Variants in ATP5PF observed in about 807,000 individuals in gnomAD.
ATP5PF encodes the protein ATP synthase peripheral stalk subunit F6, also known as ATP synthase peripheral stalk subunit F6, mitochondrial.
In ATP5PF, 7 loss-of-function variants were observed where a neutral mutation model predicts 12.0. The observed-to-expected ratio is 0.58, with a 90% CI of 0.33 to 1.10. The LOEUF is 1.10. Ranked by LOEUF, ATP5PF falls within the 50% of genes least tolerant of loss-of-function variation. The pLI is 0.03. For missense variants in ATP5PF, 120 were observed against 127.7 expected, an observed-to-expected ratio of 0.94 and a Z score of 0.29; for synonymous variants, 41 against 45.4, an observed-to-expected ratio of 0.90 and a Z score of 0.39.
chr21:25,732,498 T>G (rs977815546), intron 1 of ATP5PF, among the ~76,000 whole-genome samples: 2 of 146,134 alleles, frequency 1.4e-5, no homozygotes, highest in Admixed American at 6.8e-5. Flanking sequence ...AAAAAAAAAA[T>G]AGCCAAGTGC....
intron 1 of ATP5PF, among the ~76,000 whole-genome samples, chr21:25,730,696 T>C (rs1043021547): frequency 8.6e-6 from 1 of 115,958 alleles, no homozygotes; most frequent in Non-Finnish European, 1.6e-5. Flanking sequence ...ATTGTGCCAT[T>C]GCACTCCAGC....
At chr21:25,731,780 G>A (rs1040080026) in intron 1 of ATP5PF, among the ~76,000 whole-genome samples, 2 of 152,020 alleles carry the variant, frequency 1.3e-5, no homozygotes, top group African/African-American at 4.8e-5. Flanking sequence ...AAGTAATATA[G>A]AAATTAGATA....
chr21:25,725,615 T>C (rs1601083007), intron 2 of ATP5PF, among the ~76,000 whole-genome samples: 1 of 152,074 alleles, frequency 6.6e-6, no homozygotes, highest in South Asian at 2.1e-4. Context: ...AATTTTTGTA[T>C]TTTTAGTAGA....
At position 25,729,630 on chromosome 21, in the gene ATP5PF, C is replaced by T; in HGVS notation, c.164+1G>A. ...TACACTGTAGTTATTTATTCACTTA[C>T]TGTCGCTTAGATTTGTATTCTCTAA... On this transcript the variant is annotated splice_donor_variant, in intron 2 of 3. Transcript: ENST00000284971. LOFTEE classifies it high-confidence loss of function. 6.2e-7 allele frequency: 1 copy of T among 1,604,176 alleles called. No individual in the cohort carries two copies. The highest frequency in any genetic ancestry group is 8.5e-7 in the Non-Finnish European group (1 of 1,174,804).
At chr21:25,734,940 C>G (rs71649640), upstream of ATP5PF, 3,608 of 1,575,738 alleles carry the variant, frequency 2.3e-3, 80 homozygotes, top group African/African-American at 0.043. Flanking sequence ...CACGCCTACC[C>G]GCCATCGCAA....
chr21:25,730,736 C>CACAAAAAAAAAAAAAAAAAAAAAA (rs1219090743), intron 1 of ATP5PF, among the ~76,000 whole-genome samples: 1 of 31,880 alleles, frequency 3.1e-5, no homozygotes, highest in Non-Finnish European at 7.0e-5. Flanking sequence ...CTCCGTCTCA[C>CACAAAAAAAAAAAAAAAAAAAAAA]AAAAAAAAAA....
chr21:25,734,450 T>C (rs1471766747), intron 1 of ATP5PF: 2 of 894,118 alleles, frequency 2.2e-6, no homozygotes, highest in African/African-American at 1.8e-5. Context: ...ACTTTCAATA[T>C]TATGACTAAT....
chr21:25,728,634 TA>T (rs1285864131), intron 2 of ATP5PF, among the ~76,000 whole-genome samples: 1 of 152,158 alleles, frequency 6.6e-6, no homozygotes, highest in Non-Finnish European at 1.5e-5. Context: ...ATGATGTGAG[TA>T]AATTCTTCAC....
Position 25,724,681 on chromosome 21 carries a change from A to G in ATP5PF, c.290-4T>C, listed in dbSNP as rs769613924. On this transcript the variant is annotated splice_region_variant and splice_polypyrimidine_tract_variant and intron_variant, in intron 3 of 3. Transcript: ENST00000284971. ...TCGATGACTTCAAATTTGGGATCTA[A>G]GAAGAGGGGGAAAAAAGGGTCAAGC... 6.3e-6 allele frequency: 10 copies of G among 1,597,308 alleles called. No individual in the cohort carries two copies. Among genetic ancestry groups the G allele is most frequent in the Non-Finnish European group, 8.5e-6 (10 of 1,175,920 alleles).
intron 1 of ATP5PF, among the ~76,000 whole-genome samples, chr21:25,732,104 A>G (rs1227615236): frequency 6.6e-6 from 1 of 152,120 alleles, no homozygotes; most frequent in Non-Finnish European, 1.5e-5. Flanking sequence ...AGTTCTCAAA[A>G]TAGGGTTGGG....
chr21:25,735,168 C>T (rs542272241), upstream of ATP5PF: 2 of 617,384 alleles, frequency 3.2e-6, no homozygotes, highest in East Asian at 5.5e-5. Flanking sequence ...GCTCTGTACG[C>T]ATGCGCTCTT....
intron 2 of ATP5PF, among the ~76,000 whole-genome samples, chr21:25,727,013 C>T (rs538978525): frequency 5.1e-4 from 77 of 152,300 alleles, no homozygotes; most frequent in Non-Finnish European, 8.5e-4. Context: ...ATGTTAGAAA[C>T]GCTCTCTGTC....
upstream of ATP5PF, chr21:25,735,247 G>GTA (rs919979375): frequency 7.3e-5 from 40 of 548,242 alleles, no homozygotes; most frequent in Non-Finnish European, 1.1e-4. Flanking sequence ...TTATCGAAGT[G>GTA]TATAAAGGTG....
At chr21:25,726,064 T>G (rs2034611192) in intron 2 of ATP5PF, among the ~76,000 whole-genome samples, 1 of 152,190 alleles carries the variant, frequency 6.6e-6, no homozygotes, top group Non-Finnish European at 1.5e-5. Flanking sequence ...AATTTTAGTT[T>G]CCACAACTAA....
At chr21:25,735,135 C>T (rs556980094), upstream of ATP5PF, 152 of 679,304 alleles carry the variant, frequency 2.2e-4, 1 homozygote, top group Middle Eastern at 1.8e-3. Context: ...TTGACCCGTT[C>T]TTTTTCCCCT....
chr21:25,734,311 T>A, intron 1 of ATP5PF: 1 of 985,392 alleles, frequency 1.0e-6, no homozygotes, highest in Non-Finnish European at 1.2e-6. Context: ...GGAGCATGGT[T>A]CTATTTATAG....
intron 3 of ATP5PF, 132 bp downstream of exon 3, chr21:25,725,094 T>C: frequency 8.1e-7 from 1 of 1,231,814 alleles, no homozygotes; most frequent in Non-Finnish European, 1.1e-6. Flanking sequence ...GCCGGCAGCT[T>C]CTCAGGCACA....
At chr21:25,731,482 T>C (rs998800603) in intron 1 of ATP5PF, among the ~76,000 whole-genome samples, 11 of 151,620 alleles carry the variant, frequency 7.3e-5, no homozygotes, top group Non-Finnish European at 1.3e-4. Flanking sequence ...CCTCCTGGAC[T>C]CATGCAATCC....
Position 25,734,723 on chromosome 21 carries a change from C to T in ATP5PF, c.-8+130G>A, listed in dbSNP as rs71649637. 3.8e-3 allele frequency: 3,562 copies of T among 927,204 alleles called. 46 individuals are homozygous for T. The highest frequency in any genetic ancestry group is 0.029 in the East Asian group (1,094 of 37,464). 57.4% of individuals were successfully genotyped at this position (927,204 alleles called of 1,614,324 possible). A position where few individuals can be genotyped will look rare whatever the true frequency, so the allele number is the denominator to read the frequency against. ...AGGTCAGCTGTGACCCCGGGCCAGGCCGTGAAGGTCCCCAGGACACAGAGC... is the reference window on the plus strand; with the variant it reads ...AGGTCAGCTGTGACCCCGGGCCAGGTCGTGAAGGTCCCCAGGACACAGAGC... On this transcript the variant is annotated intron_variant, in intron 1 of 3. Transcript: ENST00000284971.
Sources: gnomAD v4.1 joint callset for allele counts (sites outside exome capture counted in the v4.1 genomes callset) on GRCh38, gnomAD v4.1.1 for gene constraint, MANE v1.5 for transcripts, NCBI Gene and HGNC (gene_info 2026-07-23, HGNC 2026-07-21) for gene names.